Variants in CRTAC1 observed in about 807,000 individuals in gnomAD.
CRTAC1 encodes the protein acidic secreted protein in cartilage.
Under a neutral mutation model 67.8 loss-of-function variants are expected in CRTAC1, and 37 were observed. The ratio of observed to expected loss-of-function variants is 0.55; its 90% CI spans 0.42 to 0.72. The LOEUF (loss-of-function observed/expected upper bound fraction) is 0.72. CRTAC1 is among the 30% of genes least tolerant of loss of function. CRTAC1 has a pLI of 0.00. For synonymous variants in CRTAC1, 348 were observed against 371.0 expected (o/e 0.94, Z 0.71); for missense variants, 780 against 931.6 (o/e 0.84, Z 2.12).
chr10:97,918,957 T>C (rs573001062), intron 4 of CRTAC1, among the ~76,000 whole-genome samples: 15 of 152,130 alleles, frequency 9.9e-5, no homozygotes, highest in African/African-American at 3.6e-4. Context: ...CTAATTTTTG[T>C]ATTTTTTAGT....
At chr10:97,889,801 G>T (rs1474761904) in intron 11 of CRTAC1, among the ~76,000 whole-genome samples, 1 of 152,142 alleles carries the variant, frequency 6.6e-6, no homozygotes, top group Non-Finnish European at 1.5e-5. Flanking sequence ...GGGGCCCTGG[G>T]GGCAGGCAAG....
At chr10:97,958,001 G>A (rs980337072) in intron 2 of CRTAC1, among the ~76,000 whole-genome samples, 11 of 152,100 alleles carry the variant, frequency 7.2e-5, no homozygotes, top group African/African-American at 2.7e-4. Flanking sequence ...TTCTTTTAAA[G>A]CCTCCTCTAG....
intron 2 of CRTAC1, among the ~76,000 whole-genome samples, chr10:98,006,423 T>C (rs1842791564): frequency 6.6e-6 from 1 of 152,140 alleles, no homozygotes; most frequent in Non-Finnish European, 1.5e-5. Context: ...CTCGCCCAGA[T>C]GTGCAGAGGA....
intron 11 of CRTAC1, among the ~76,000 whole-genome samples, chr10:97,891,835 T>C (rs1393183693): frequency 6.6e-6 from 1 of 152,184 alleles, no homozygotes; most frequent in Non-Finnish European, 1.5e-5. Context: ...GCTGCAGGGA[T>C]GGAACTGCCC....
At chr10:97,883,734 G>A (rs1468219399) in intron 12 of CRTAC1, among the ~76,000 whole-genome samples, 1 of 152,188 alleles carries the variant, frequency 6.6e-6, no homozygotes, top group Non-Finnish European at 1.5e-5. Context: ...GAGTTGGAAC[G>A]ACACTGCTGA....
intron 2 of CRTAC1, among the ~76,000 whole-genome samples, chr10:97,980,528 G>A (rs1487757719): frequency 6.6e-6 from 1 of 152,176 alleles, no homozygotes; most frequent in East Asian, 1.9e-4. Flanking sequence ...TCCACAAAAC[G>A]TTACACTTGG....
At chr10:97,966,251 A>G (rs1040600159) in intron 2 of CRTAC1, among the ~76,000 whole-genome samples, 9 of 152,182 alleles carry the variant, frequency 5.9e-5, no homozygotes, top group Non-Finnish European at 1.2e-4. Flanking sequence ...AATTACGGGC[A>G]TGCGCCACTC....
At chr10:97,927,690 T>C (rs1227866727) in intron 3 of CRTAC1, among the ~76,000 whole-genome samples, 1 of 152,182 alleles carries the variant, frequency 6.6e-6, no homozygotes, top group African/African-American at 2.4e-5. Flanking sequence ...AGATCATAAA[T>C]GGGAACGGCA....
At position 97,910,650 on chromosome 10, in the gene CRTAC1, C is replaced by G. The variant is rs184327500; in HGVS notation, c.716-2503G>C. ...CAGAGGTTTCCCCAAAGTGACCATGCTTATTTGAGACAGGGGTTCTCTTGG... is the reference window on the plus strand; with the variant it reads ...CAGAGGTTTCCCCAAAGTGACCATGGTTATTTGAGACAGGGGTTCTCTTGG... On this transcript the variant is annotated intron_variant, in intron 5 of 14. Transcript: ENST00000370597. 3.7e-4 allele frequency among the ~76,000 whole-genome samples: 56 copies of G among 152,336 alleles called. 2 individuals carry two copies. In the East Asian group the frequency reaches 0.011, roughly 29 times the overall value.
chr10:98,001,364 C>A (rs1228726677), intron 2 of CRTAC1, among the ~76,000 whole-genome samples: 5 of 152,154 alleles, frequency 3.3e-5, no homozygotes, highest in Admixed American at 1.3e-4. Flanking sequence ...AAGCAGGTCA[C>A]TGGACCTGTT....
chr10:97,976,139 T>C (rs984278059), intron 2 of CRTAC1, among the ~76,000 whole-genome samples: 1 of 152,178 alleles, frequency 6.6e-6, no homozygotes, highest in African/African-American at 2.4e-5. Context: ...AGACCTTCAC[T>C]GATTATAGGT....
At chr10:97,992,147 T>C (rs1027546767) in intron 2 of CRTAC1, among the ~76,000 whole-genome samples, 6 of 152,152 alleles carry the variant, frequency 3.9e-5, no homozygotes, top group African/African-American at 1.4e-4. Context: ...GGGGGAGTGC[T>C]GCCTCAGCTA....
At chr10:97,894,376 G>GTGCTATA (rs982218646) in intron 11 of CRTAC1, among the ~76,000 whole-genome samples, 2 of 151,888 alleles carry the variant, frequency 1.3e-5, no homozygotes, top group African/African-American at 4.8e-5. Flanking sequence ...ATCTGTTCAT[G>GTGCTATA]TGCTATATGC....
intron 5 of CRTAC1, among the ~76,000 whole-genome samples, chr10:97,911,995 T>G (rs908967658): frequency 6.6e-6 from 1 of 152,222 alleles, no homozygotes; most frequent in Non-Finnish European, 1.5e-5. Flanking sequence ...GCAGTGCTGG[T>G]TGTGGGAGAC....
At chr10:97,865,999 A>G in intron 14 of CRTAC1, 1 of 407,766 alleles carries the variant, frequency 2.5e-6, no homozygotes, top group Non-Finnish European at 4.3e-6. Context: ...GGGAGAACAC[A>G]ACCTAGGCGG....
At chr10:97,910,843 G>A (rs1564890044) in intron 5 of CRTAC1, among the ~76,000 whole-genome samples, 1 of 152,170 alleles carries the variant, frequency 6.6e-6, no homozygotes, top group Non-Finnish European at 1.5e-5. Flanking sequence ...ACACATTCTG[G>A]GCTGGATGCC....
intron 3 of CRTAC1, among the ~76,000 whole-genome samples, chr10:97,924,651 C>CA (rs1351359704): frequency 6.6e-6 from 1 of 152,154 alleles, no homozygotes. Flanking sequence ...TAGTTACAGT[C>CA]AAGTTTACTG....
intron 3 of CRTAC1, among the ~76,000 whole-genome samples, chr10:97,935,551 C>T (rs969851504): frequency 1.3e-5 from 2 of 152,244 alleles, no homozygotes; most frequent in South Asian, 2.1e-4. Context: ...CTAGGGGATT[C>T]GGATGCACAC....
intron 2 of CRTAC1, among the ~76,000 whole-genome samples, chr10:97,968,527 C>T (rs2136650253): frequency 6.6e-6 from 1 of 152,276 alleles, no homozygotes; most frequent in South Asian, 2.1e-4. Context: ...TGTGAGCCAC[C>T]ACGCCCAGCT....
Sources: gnomAD v4.1 joint callset for allele counts (sites outside exome capture counted in the v4.1 genomes callset) on GRCh38, gnomAD v4.1.1 for gene constraint, MANE v1.5 for transcripts, NCBI Gene and HGNC (gene_info 2026-07-23, HGNC 2026-07-21) for gene names.